The following RELN variants were observed in gnomAD, a reference collection of about 807,000 sequenced individuals.
The protein encoded by RELN is reelin.
A neutral mutation model predicts 427.6 loss-of-function variants in RELN; 108 were observed. That is an observed-to-expected ratio of 0.25 (90% CI 0.22 to 0.30). The LOEUF (loss-of-function observed/expected upper bound fraction) is 0.30, where lower values mean the gene tolerates loss of function less well. Among genes scored for constraint, RELN ranks in the 10% least tolerant of loss-of-function variants. RELN has a pLI of 1.00. For missense variants in RELN, 3,715 were observed against 4,302.8 expected (o/e 0.86, Z 3.82); for synonymous variants, 1,524 against 1,513.4 (o/e 1.01, Z -0.16).
At chr7:103,965,712 A>C (rs1796646856) in intron 1 of RELN, among the ~76,000 whole-genome samples, 1 of 152,212 alleles carries the variant, frequency 6.6e-6, no homozygotes, top group Admixed American at 6.5e-5. Context: ...TCCAATTCCC[A>C]GATCTTTTCT....
rs150413312 is a variant in RELN, at chr7:103,795,897, A to C, written c.474-19270T>G. On this transcript the variant is annotated intron_variant, in intron 3 of 64. Coordinates refer to ENST00000428762, the MANE Select transcript of RELN (RefSeq NM_005045.4). ...TAAGTCATTCTCTGCCTTTCTGTAAATATTCCATTTTTGTATAGTGCTAAA... is the reference window on the plus strand; with the variant it reads ...TAAGTCATTCTCTGCCTTTCTGTAACTATTCCATTTTTGTATAGTGCTAAA... Among the ~76,000 whole-genome samples the C allele has an allele frequency of 3.9e-3, 600 of 152,254 alleles. 4 individuals carry two copies. The highest frequency in any genetic ancestry group is 6.4e-3 in the Non-Finnish European group (437 of 68,024).
At chr7:103,927,808 C>T (rs532454104) in intron 1 of RELN, among the ~76,000 whole-genome samples, 7 of 152,072 alleles carry the variant, frequency 4.6e-5, no homozygotes, top group South Asian at 2.1e-4. Context: ...AAACTCCAGG[C>T]GTGAATAATT....
intron 3 of RELN, among the ~76,000 whole-genome samples, chr7:103,831,264 A>G (rs1468319395): frequency 2.0e-5 from 3 of 152,172 alleles, no homozygotes; most frequent in Admixed American, 6.6e-5. Context: ...GCCAATATGA[A>G]TAAGAGAAAG....
chr7:103,971,594 G>A (rs1435902035), intron 1 of RELN, among the ~76,000 whole-genome samples: 1 of 152,166 alleles, frequency 6.6e-6, no homozygotes, highest in Non-Finnish European at 1.5e-5. Context: ...CCAGCATTTA[G>A]TGTGTGTATG....
At chr7:103,731,100 C>T (rs1356137558) in intron 6 of RELN, among the ~76,000 whole-genome samples, 1 of 152,096 alleles carries the variant, frequency 6.6e-6, no homozygotes, top group Non-Finnish European at 1.5e-5. Context: ...CTATTTACTG[C>T]ATTCTATCAT....
chr7:103,569,733 C>T lies in RELN; in HGVS notation c.4588+2451G>A, dbSNP rs115005744. ...GCCTCTCAGATAAGAATGAGAGGGT[C>T]GAGGAATGCAAGAAAGGCAAAGAGC... On this transcript the variant is annotated intron_variant, in intron 31 of 64. Transcript: ENST00000428762. This position sits in a 1 kb window ranked among gnomAD's most constrained non-coding sequence, Gnocchi z 4.0. 8.2e-3 allele frequency among the ~76,000 whole-genome samples: 1,245 copies of T among 152,104 alleles called. 20 individuals are homozygous for T. The highest frequency in any genetic ancestry group is 0.028 in the African/African-American group (1,170 of 41,466).
chr7:103,728,329 T>A, intron 6 of RELN, 122 bp from the exon 7 acceptor site: 1 of 921,458 alleles, frequency 1.1e-6, no homozygotes, highest in Non-Finnish European at 1.7e-6. Flanking sequence ...TTGAGGAAAG[T>A]AGGAGTATTT....
At chr7:103,616,177 G>T (rs1264862052) in intron 20 of RELN, among the ~76,000 whole-genome samples, 1 of 152,114 alleles carries the variant, frequency 6.6e-6, no homozygotes, top group Non-Finnish European at 1.5e-5. Flanking sequence ...AGAAATCTAA[G>T]CAACATTCTA....
chr7:103,723,375 T>C (rs542898396), intron 7 of RELN, among the ~76,000 whole-genome samples, 184 bp from the exon 8 acceptor site: 1 of 152,310 alleles, frequency 6.6e-6, no homozygotes, highest in Admixed American at 6.5e-5. Flanking sequence ...ACCTGTTTCT[T>C]CTTCCCCTGT....
Position 103,535,434 on chromosome 7 carries a change from C to T in RELN, c.7231G>A (p.Val2411Ile), listed in dbSNP as rs375160285. 12 of 1,614,022 alleles carry T rather than the reference C, an allele frequency of 7.4e-6. No homozygotes were observed. The highest frequency in any genetic ancestry group is 1.0e-5 in the Non-Finnish European group (12 of 1,179,934). ...ACATTGGTAGGCAGACAGTCCCTTA[C>T]CAATGGGTGCCATGACAATCCAAGA... Reference protein sequence around the residue: ...VDLGLSWHPLVRDCLPTNVEC... With the variant: ...VDLGLSWHPLIRDCLPTNVEC... Residue 2411 changes from valine (V) to isoleucine (I), a missense_variant, in exon 46 of 65, where the codon GTA becomes ATA. Coordinates refer to ENST00000428762, the MANE Select transcript of RELN (RefSeq NM_005045.4).
chr7:103,843,350 A>G (rs1793600359), intron 2 of RELN, among the ~76,000 whole-genome samples: 1 of 152,038 alleles, frequency 6.6e-6, no homozygotes, highest in South Asian at 2.1e-4. Context: ...AATTACAGGC[A>G]CACACCACTA....
At chr7:103,936,056 C>T (rs1450454368) in intron 1 of RELN, among the ~76,000 whole-genome samples, 1 of 151,392 alleles carries the variant, frequency 6.6e-6, no homozygotes, top group East Asian at 1.9e-4. Context: ...TGTTTATCTG[C>T]TCTATTACCT....
At chr7:103,759,934 A>AAGAT (rs1791253429) in intron 4 of RELN, among the ~76,000 whole-genome samples, 1 of 151,450 alleles carries the variant, frequency 6.6e-6, no homozygotes, top group African/African-American at 2.4e-5. Context: ...ATAGGCAGCA[A>AAGAT]ATATCTCCAC....
At chr7:103,763,768 T>C (rs993461964) in intron 4 of RELN, among the ~76,000 whole-genome samples, 21 of 151,554 alleles carry the variant, frequency 1.4e-4, no homozygotes, top group Non-Finnish European at 2.8e-4. Context: ...GGAGATGACG[T>C]TGGAGAGAGA....
chr7:103,560,197 A>C (rs1257987559), intron 36 of RELN, among the ~76,000 whole-genome samples: 1 of 152,176 alleles, frequency 6.6e-6, no homozygotes, highest in East Asian at 1.9e-4. Flanking sequence ...TTTGTGCTAA[A>C]TGTGAGAAAT....
chr7:103,745,175 T>C (rs992749063), intron 6 of RELN, among the ~76,000 whole-genome samples: 2 of 152,090 alleles, frequency 1.3e-5, no homozygotes, highest in Non-Finnish European at 2.9e-5. Context: ...CCCATGATTA[T>C]CTCAATAGAT....
intron 7 of RELN, among the ~76,000 whole-genome samples, chr7:103,725,601 C>CT (rs1562973512): frequency 6.6e-6 from 1 of 152,130 alleles, no homozygotes; most frequent in South Asian, 2.1e-4. Context: ...TGAAGAATTT[C>CT]TTTTTTTAAA....
chr7:103,786,187 T>C (rs976858941), intron 3 of RELN, among the ~76,000 whole-genome samples: 1 of 151,960 alleles, frequency 6.6e-6, no homozygotes, highest in African/African-American at 2.4e-5. Flanking sequence ...AAATTTTAAA[T>C]ACATAAAAGT....
At chr7:103,722,518 C>T (rs1471768558) in intron 8 of RELN, among the ~76,000 whole-genome samples, 1 of 152,108 alleles carries the variant, frequency 6.6e-6, no homozygotes, top group East Asian at 1.9e-4. Context: ...TTTATAAATA[C>T]ATACCCTTGA....
Sources: allele counts gnomAD v4.1 joint callset (sites outside exome capture counted in the v4.1 genomes callset), GRCh38; gene constraint gnomAD v4.1.1; non-coding constraint Gnocchi (gnomAD v3.1); transcripts MANE v1.5; gene names NCBI Gene and HGNC (gene_info 2026-07-23, HGNC 2026-07-21).